The following TSGA10 variants were observed in gnomAD, a reference collection of about 807,000 sequenced individuals.
TSGA10 encodes the protein testis-specific gene 10 protein.
Under a neutral mutation model 96.6 loss-of-function variants are expected in TSGA10, and 43 were observed. The observed-to-expected ratio is 0.44, with a 90% CI of 0.35 to 0.57. The LOEUF (loss-of-function observed/expected upper bound fraction) is 0.57. Ranked by LOEUF, TSGA10 falls within the 20% of genes least tolerant of loss-of-function variation. The probability of loss-of-function intolerance (pLI) is 0.01; values close to 1 mark genes in which losing one functional copy is unlikely to be tolerated. For synonymous variants in TSGA10, 229 were observed against 269.9 expected (o/e 0.85, Z 1.48); for missense variants, 703 against 834.4 (o/e 0.84, Z 1.94).
At chr2:99,003,987 C>CA (rs1228451610) in intron 20 of TSGA10, among the ~76,000 whole-genome samples, 5 of 152,042 alleles carry the variant, frequency 3.3e-5, no homozygotes, top group Non-Finnish European at 5.9e-5. Context: ...AAAAACCCTT[C>CA]AAAAAATCAA....
chr2:99,059,065 T>C (rs1181661088), intron 16 of TSGA10, among the ~76,000 whole-genome samples: 37 of 109,836 alleles, frequency 3.4e-4, no homozygotes. Flanking sequence ...TATATATATA[T>C]ATATTTATAT....
intron 17 of TSGA10, among the ~76,000 whole-genome samples, chr2:99,031,265 A>G (rs933722131): frequency 2.0e-5 from 3 of 148,262 alleles, no homozygotes; most frequent in African/African-American, 7.4e-5. Flanking sequence ...ATGGTACAGA[A>G]GAAGGTGGAT....
At position 99,117,621 on chromosome 2, in the gene TSGA10, C is replaced by T; in HGVS notation, c.-217G>A. 1.0e-6 allele frequency: 1 copy of T among 985,834 alleles called. No individual in the cohort carries two copies. Among genetic ancestry groups the T allele is most frequent in the Non-Finnish European group, 1.2e-6 (1 of 829,918 alleles). The allele number at this position is 985,834 out of a possible 1,614,324, so 61.1% of individuals were successfully genotyped here. A position where few individuals can be genotyped will look rare whatever the true frequency, so the allele number is the denominator to read the frequency against. On this transcript the variant is annotated 5_prime_UTR_variant, in exon 4 of 21. Coordinates refer to ENST00000393483, the MANE Select transcript of TSGA10 (RefSeq NM_025244.4). Reference sequence around the variant, plus strand: ...TTTTCGAGTTGCTCTGCTAGTTGGTCAATTTTAATCAATTCTTTACAAAGA... The same window carrying T: ...TTTTCGAGTTGCTCTGCTAGTTGGTTAATTTTAATCAATTCTTTACAAAGA...
chr2:99,004,230 C>T (rs2078256123), intron 20 of TSGA10, among the ~76,000 whole-genome samples: 1 of 152,140 alleles, frequency 6.6e-6, no homozygotes, highest in Admixed American at 6.5e-5. Context: ...CACATACACC[C>T]TCCCAAGACT....
intron 18 of TSGA10, 23 bp downstream of exon 18, chr2:99,020,257 C>T: frequency 6.2e-7 from 1 of 1,600,498 alleles, no homozygotes; most frequent in Admixed American, 1.7e-5. Flanking sequence ...TATGACTTTA[C>T]TTTATATTGC....
At chr2:99,088,009 T>G (rs2088770512) in intron 10 of TSGA10, among the ~76,000 whole-genome samples, 1 of 152,226 alleles carries the variant, frequency 6.6e-6, no homozygotes, top group African/African-American at 2.4e-5. Flanking sequence ...AAACACTAAA[T>G]GTTGCTAAGG....
chr2:99,071,016 G>T (rs2085903149), intron 14 of TSGA10, among the ~76,000 whole-genome samples: 1 of 151,890 alleles, frequency 6.6e-6, no homozygotes, highest in African/African-American at 2.4e-5. Context: ...AATTTTTTAT[G>T]ATTAACAAAG....
chr2:99,097,357 GAATA>G (rs1203416379), intron 10 of TSGA10, among the ~76,000 whole-genome samples: 1 of 152,056 alleles, frequency 6.6e-6, no homozygotes, highest in East Asian at 1.9e-4. Flanking sequence ...GCAATGAAAA[GAATA>G]AATGTACAGG....
At chr2:99,095,519 C>CA (rs1247591253) in intron 10 of TSGA10, among the ~76,000 whole-genome samples, 12 of 151,736 alleles carry the variant, frequency 7.9e-5, no homozygotes, top group East Asian at 7.7e-4. Context: ...AAGCCAGATA[C>CA]AAAAAAGTAT....
At position 99,136,982 on chromosome 2, in the gene TSGA10, C is replaced by T. The variant is rs191128154; in HGVS notation, c.-620-9806G>A. 3.3e-3 allele frequency among the ~76,000 whole-genome samples: 490 copies of T among 150,450 alleles called. 2 individuals are homozygous for T. The highest frequency in any genetic ancestry group is 0.011 in the African/African-American group (469 of 41,100). ...ATGTCCACAGCCATGGCTACTTTAA[C>T]GTGTCTAAAACAGACTTCCTTTTTT... On this transcript the variant is annotated intron_variant, in intron 1 of 20. Transcript: ENST00000393483.
At chr2:99,049,202 C>A (rs2083127402) in intron 16 of TSGA10, among the ~76,000 whole-genome samples, 1 of 152,120 alleles carries the variant, frequency 6.6e-6, no homozygotes, top group Non-Finnish European at 1.5e-5. Context: ...ACTACAAATA[C>A]CATTTGACCC....
intron 17 of TSGA10, among the ~76,000 whole-genome samples, chr2:99,023,913 T>C (rs1327917342): frequency 6.6e-6 from 1 of 152,224 alleles, no homozygotes; most frequent in Non-Finnish European, 1.5e-5. Context: ...AGTTTGACAA[T>C]TTCTACAAGA....
At chr2:99,098,505 T>C (rs865826288) in intron 10 of TSGA10, among the ~76,000 whole-genome samples, 1 of 138,012 alleles carries the variant, frequency 7.2e-6, no homozygotes, top group South Asian at 2.3e-4. Flanking sequence ...AGTAAAAATG[T>C]AAACATTCAT....
intron 17 of TSGA10, 30 bp downstream of exon 17, chr2:99,035,200 T>G: frequency 1.3e-6 from 2 of 1,505,592 alleles, no homozygotes; most frequent in Non-Finnish European, 1.8e-6. Flanking sequence ...GTAATAGCAA[T>G]TTTAAAGATT....
At chr2:99,005,435 TC>T in intron 20 of TSGA10, among the ~76,000 whole-genome samples, 1 of 152,194 alleles carries the variant, frequency 6.6e-6, no homozygotes, top group East Asian at 1.9e-4. Context: ...ATAGGCAACT[TC>T]AGCAAAGTCT....
At position 99,129,264 on chromosome 2, in the gene TSGA10, C is replaced by T. The variant is rs757274760; in HGVS notation, c.-620-2088G>A. 1.2e-4 allele frequency among the ~76,000 whole-genome samples: 19 copies of T among 152,154 alleles called. 1 individual carries two copies. Among genetic ancestry groups the T allele is most frequent in the African/African-American group, 4.6e-4 (19 of 41,412 alleles). On this transcript the variant is annotated intron_variant, in intron 1 of 20. Transcript: ENST00000393483. ...TAAATTTTTCTGGATGTCTTCCTCA[C>T]ACATTTATTAGACTCTTAAGAACAA...
At chr2:99,108,182 C>T (rs1559041721) in intron 7 of TSGA10, among the ~76,000 whole-genome samples, 1 of 152,116 alleles carries the variant, frequency 6.6e-6, no homozygotes, top group African/African-American at 2.4e-5. Flanking sequence ...ATACAATATA[C>T]TTTATCTCCC....
rs550229654 is a variant in TSGA10 at position 99,152,075 on chromosome 2, T to G, written c.-621+2618A>C. 7.9e-5 allele frequency among the ~76,000 whole-genome samples: 12 copies of G among 152,240 alleles called. No individual in the cohort carries two copies. In the East Asian group the frequency reaches 2.3e-3, roughly 29 times the overall value. ...GTAATTCTTTAGAAGAGAAAAAAAA[T>G]ACATAAATCATTCATTTGTTCACCT... On this transcript the variant is annotated intron_variant, in intron 1 of 20. Transcript: ENST00000393483.
chr2:99,098,917 TTA>T (rs752753549), intron 10 of TSGA10, among the ~76,000 whole-genome samples: 2 of 152,220 alleles, frequency 1.3e-5, no homozygotes, highest in Non-Finnish European at 2.9e-5. Context: ...AACTCCAATC[TTA>T]TACAAACTGT....
Sources: allele counts gnomAD v4.1 joint callset (sites outside exome capture counted in the v4.1 genomes callset), GRCh38; gene constraint gnomAD v4.1.1; transcripts MANE v1.5; gene names NCBI Gene and HGNC (gene_info 2026-07-23, HGNC 2026-07-21).